SLC44A5: variants seen among roughly 807,000 people sequenced by gnomAD.
The protein encoded by SLC44A5 is choline transporter-like protein 5.
Under a neutral mutation model 101.8 loss-of-function variants are expected in SLC44A5, and 57 were observed. The observed-to-expected ratio is 0.56, with a 90% CI of 0.45 to 0.70. The LOEUF is 0.70. SLC44A5 is among the 30% of genes least tolerant of loss of function. The pLI is 0.00. For missense variants in SLC44A5, 737 were observed against 853.1 expected (o/e 0.86, Z 1.70); for synonymous variants, 281 against 290.9 (o/e 0.97, Z 0.35).
the SLC44A5 span, among the ~76,000 whole-genome samples, chr1:75,629,795 A>T: frequency 6.6e-6 from 1 of 152,222 alleles, no homozygotes; most frequent in Admixed American, 6.5e-5. Flanking sequence ...CCAGTGCTTC[A>T]TGATATAAAA....
chr1:75,404,749 A>G (rs1330333901), intron 2 of SLC44A5, among the ~76,000 whole-genome samples: 1 of 152,234 alleles, frequency 6.6e-6, no homozygotes, highest in Non-Finnish European at 1.5e-5. Flanking sequence ...AAACATACCA[A>G]TTGTAAAGAC....
At chr1:75,488,378 TTGGAACACAA>T (rs1668264798) in intron 2 of SLC44A5, among the ~76,000 whole-genome samples, 1 of 152,140 alleles carries the variant, frequency 6.6e-6, no homozygotes, top group African/African-American at 2.4e-5. Context: ...CTGTAGGTAA[TTGGAACACAA>T]TGCTAAGTAT....
chr1:75,561,744 A>G (rs1369692860), intron 1 of SLC44A5, among the ~76,000 whole-genome samples: 2 of 152,152 alleles, frequency 1.3e-5, no homozygotes, highest in Non-Finnish European at 2.9e-5. Context: ...CAACTTGGTC[A>G]GCAAACATGT....
chr1:75,536,435 T>C (rs2101935075), intron 2 of SLC44A5, among the ~76,000 whole-genome samples: 1 of 149,930 alleles, frequency 6.7e-6, no homozygotes, highest in East Asian at 2.0e-4. Context: ...CCGTCTCTAC[T>C]AAAAATACAA....
chr1:75,439,524 C>G (rs1665074994), intron 2 of SLC44A5, among the ~76,000 whole-genome samples: 1 of 151,782 alleles, frequency 6.6e-6, no homozygotes, highest in Non-Finnish European at 1.5e-5. Context: ...TTAAGATCAA[C>G]TGGGGCAACA....
intron 3 of SLC44A5, among the ~76,000 whole-genome samples, chr1:75,354,180 C>A (rs1043269905): frequency 6.6e-6 from 1 of 152,198 alleles, no homozygotes; most frequent in African/African-American, 2.4e-5. Context: ...TTCCCTTGAT[C>A]ATCCTAGTGC....
rs535422463 is a variant in SLC44A5 at position 75,573,604 on chromosome 1, G to A, written c.-69-32088C>T. Among the ~76,000 whole-genome samples the A allele has an allele frequency of 5.3e-5, 8 of 152,100 alleles. No individual in the cohort carries two copies. In the East Asian group the frequency reaches 9.7e-4, roughly 18 times the overall value. ...TAATACAAAATGAATATGTTTAACC[G>A]TTGCTGGGTATCGTCCTGACTACTA... On this transcript the variant is annotated intron_variant, in intron 1 of 23. Coordinates refer to ENST00000370859, the MANE Select transcript of SLC44A5 (RefSeq NM_001130058.2).
At chr1:75,516,086 C>G (rs1669812644) in intron 2 of SLC44A5, among the ~76,000 whole-genome samples, 1 of 152,078 alleles carries the variant, frequency 6.6e-6, no homozygotes, top group African/African-American at 2.4e-5. Flanking sequence ...TATAATAGAG[C>G]CACTATAAAA....
At chr1:75,251,471 A>C (rs1180583431) in intron 6 of SLC44A5, among the ~76,000 whole-genome samples, 177 bp from the exon 7 acceptor site, 3 of 152,076 alleles carry the variant, frequency 2.0e-5, no homozygotes, top group Non-Finnish European at 2.9e-5. Flanking sequence ...TTTTTTTAAT[A>C]GTAAAATGTT....
chr1:75,651,803 T>C, the SLC44A5 span, among the ~76,000 whole-genome samples: 1 of 151,640 alleles, frequency 6.6e-6, no homozygotes, highest in Non-Finnish European at 1.5e-5. Flanking sequence ...TTACAGTAGA[T>C]AGGCAGACCT....
intron 18 of SLC44A5, among the ~76,000 whole-genome samples, chr1:75,216,212 C>T (rs1646959082): frequency 6.6e-6 from 1 of 151,968 alleles, no homozygotes; most frequent in South Asian, 2.1e-4. Context: ...TAGGAGGAAT[C>T]ATACAATATT....
At chr1:75,438,009 G>T (rs1664985576) in intron 2 of SLC44A5, among the ~76,000 whole-genome samples, 1 of 152,048 alleles carries the variant, frequency 6.6e-6, no homozygotes, top group African/African-American at 2.4e-5. Context: ...TTTTGAGTAG[G>T]ATTAGCCCCC....
intron 6 of SLC44A5, among the ~76,000 whole-genome samples, 164 bp from the exon 7 acceptor site, chr1:75,251,458 C>CT (rs781398346): frequency 2.8e-4 from 43 of 151,194 alleles, no homozygotes; most frequent in African/African-American, 4.9e-4. Flanking sequence ...TTTAAAGTAT[C>CT]TTTTTTTTTA....
intron 2 of SLC44A5, among the ~76,000 whole-genome samples, chr1:75,467,587 C>A (rs1291447932): frequency 6.6e-6 from 1 of 152,140 alleles, no homozygotes; most frequent in South Asian, 2.1e-4. Context: ...GAGGAAAAGA[C>A]AGTCTCTTCG....
chr1:75,699,804 G>C, the SLC44A5 span, among the ~76,000 whole-genome samples: 2 of 152,120 alleles, frequency 1.3e-5, no homozygotes, highest in Non-Finnish European at 2.9e-5. Flanking sequence ...TAAAGAGATG[G>C]AGGAAGATCT....
the SLC44A5 span, among the ~76,000 whole-genome samples, chr1:75,669,237 A>G: frequency 6.8e-6 from 1 of 147,586 alleles, no homozygotes; most frequent in Non-Finnish European, 1.5e-5. Flanking sequence ...CTTAAATCTC[A>G]TCTCTGCTGA....
At chr1:75,295,821 CAGATTGCTCCCTCCTT>C (rs1196892336) in intron 5 of SLC44A5, among the ~76,000 whole-genome samples, 1 of 152,152 alleles carries the variant, frequency 6.6e-6, no homozygotes. Flanking sequence ...AACTGGAAAT[CAGATTGCTCCCTCCTT>C]GGTGTTTTGG....
rs1023622153 is a variant in SLC44A5 at position 75,463,627 on chromosome 1, A to G, written c.14-67006T>C. Among the ~76,000 whole-genome samples the G allele has an allele frequency of 3.3e-5, 5 of 152,238 alleles. No individual in the cohort carries two copies. The South Asian group carries it at 6.2e-4, about 19-fold the overall frequency. On this transcript the variant is annotated intron_variant, in intron 2 of 23. Coordinates refer to ENST00000370859, the MANE Select transcript of SLC44A5 (RefSeq NM_001130058.2). ...TCTGGTGAAAATATCCTTCAAACATAAAGGAGAAATAAAGACTTCCCCAGA... is the reference window on the plus strand; with the variant it reads ...TCTGGTGAAAATATCCTTCAAACATGAAGGAGAAATAAAGACTTCCCCAGA...
rs145950320 is a variant in SLC44A5, at chr1:75,565,742, G to A, written c.-69-24226C>T. ...CTCAATTCCCTTCTCTCTAAAATGAGGGTAATAATTCCTGCCTCCAGGAGC... is the reference window on the plus strand; with the variant it reads ...CTCAATTCCCTTCTCTCTAAAATGAAGGTAATAATTCCTGCCTCCAGGAGC... On this transcript the variant is annotated intron_variant, in intron 1 of 23. Transcript: ENST00000370859. Among the ~76,000 whole-genome samples, 38 of 152,238 alleles carry A rather than the reference G, an allele frequency of 2.5e-4. No individual in the cohort carries two copies. In the East Asian group the frequency reaches 6.8e-3, roughly 27 times the overall value.
Sources: allele counts gnomAD v4.1 joint callset (sites outside exome capture counted in the v4.1 genomes callset), GRCh38; gene constraint gnomAD v4.1.1; transcripts MANE v1.5; gene names NCBI Gene and HGNC (gene_info 2026-07-23, HGNC 2026-07-21).